Variants in TTLL1 observed in about 807,000 individuals in gnomAD.
The protein encoded by TTLL1 is TTL family tubulin polyglutamylase complex subunit L1.
A neutral mutation model predicts 47.8 loss-of-function variants in TTLL1; 33 were observed. The ratio of observed to expected loss-of-function variants is 0.69; its 90% CI spans 0.52 to 0.92. TTLL1 has a LOEUF of 0.92. Among genes scored for constraint, TTLL1 ranks in the 40% least tolerant of loss-of-function variants. The pLI is 0.00. For synonymous variants in TTLL1, 225 were observed against 214.1 expected (o/e 1.05, Z -0.45); for missense variants, 488 against 547.5 (o/e 0.89, Z 1.08).
chr22:43,081,408 C>G (rs1356475902), intron 1 of TTLL1, among the ~76,000 whole-genome samples: 1 of 152,102 alleles, frequency 6.6e-6, no homozygotes, highest in Non-Finnish European at 1.5e-5. Flanking sequence ...GACAGTCGCT[C>G]CCATAGAGAT....
chr22:43,070,278 CCT>C (rs1314439408), intron 3 of TTLL1: 2 of 1,125,128 alleles, frequency 1.8e-6, no homozygotes, highest in Admixed American at 4.7e-5. Flanking sequence ...ATTTAAGGGC[CCT>C]GAGTCAGTAT....
chr22:43,053,638 G>T (rs1219044461), intron 8 of TTLL1, among the ~76,000 whole-genome samples: 1 of 152,186 alleles, frequency 6.6e-6, no homozygotes, highest in Non-Finnish European at 1.5e-5. Flanking sequence ...CCTCCCATGT[G>T]CCTGTTTCCT....
At chr22:43,080,426 G>T (rs760771) in intron 1 of TTLL1, among the ~76,000 whole-genome samples, 136,494 of 152,124 alleles carry the variant, frequency 0.9, 61,408 homozygotes, top group East Asian at 1. Context: ...GCATCTTGTT[G>T]AACAAATGTA....
intron 1 of TTLL1, among the ~76,000 whole-genome samples, chr22:43,084,962 C>CTTTTTTTTTTTTTTT (rs148980685): frequency 8.9e-6 from 1 of 112,750 alleles, no homozygotes; most frequent in African/African-American, 3.7e-5. Flanking sequence ...AAGCTGCCAC[C>CTTTTTTTTTTTTTTT]TTTTTTTTTT....
chr22:43,041,189 T>C (rs927239259), intron 10 of TTLL1: 1 of 152,206 alleles, frequency 6.6e-6, no homozygotes, highest in Admixed American at 6.6e-5. Context: ...TGATTTCTAA[T>C]TCGGAGTTTT....
Position 43,084,236 on chromosome 22 carries a change from C to T in TTLL1, c.-89-4250G>A, listed in dbSNP as rs548797578. On this transcript the variant is annotated intron_variant, in intron 1 of 10. Transcript: ENST00000266254. ...TGCAATCTTGGCTCACTGCAACCTC[C>T]GCCTCTCAGGTTCAAGCGATTCTCC... Among the ~76,000 whole-genome samples, 555 of 147,942 alleles carry T rather than the reference C, an allele frequency of 3.8e-3. 7 individuals are homozygous for T. Among genetic ancestry groups the T allele is most frequent in the African/African-American group, 0.013 (520 of 39,870 alleles).
intron 5 of TTLL1, 71 bp downstream of exon 5, chr22:43,068,339 C>A (rs768498693): frequency 6.6e-5 from 87 of 1,323,502 alleles, no homozygotes; most frequent in Non-Finnish European, 8.4e-5. Flanking sequence ...CAAAAACCCA[C>A]AAAGACTGCG....
At chr22:43,065,648 T>C (rs1275275125) in intron 5 of TTLL1, among the ~76,000 whole-genome samples, 3 of 151,902 alleles carry the variant, frequency 2.0e-5, no homozygotes, top group Admixed American at 1.3e-4. Flanking sequence ...AGTGGTGCGA[T>C]CACAGCTCAC....
At chr22:43,081,183 T>A (rs1928862384) in intron 1 of TTLL1, among the ~76,000 whole-genome samples, 1 of 152,016 alleles carries the variant, frequency 6.6e-6, no homozygotes, top group South Asian at 2.1e-4. Context: ...CTCAAAGTGC[T>A]GGGATGACAA....
At chr22:43,063,635 T>C (rs77325620) in intron 7 of TTLL1, among the ~76,000 whole-genome samples, 178 bp downstream of exon 7, 1 of 144,298 alleles carries the variant, frequency 6.9e-6, no homozygotes, top group Non-Finnish European at 1.5e-5. Context: ...AATTTCCGTA[T>C]TTTTTTTTTT....
At chr22:43,081,981 G>A (rs998737203) in intron 1 of TTLL1, among the ~76,000 whole-genome samples, 29 of 150,518 alleles carry the variant, frequency 1.9e-4, no homozygotes, top group Non-Finnish European at 3.0e-5. Context: ...CCTCCCAAGT[G>A]GCTGGGATTA....
At chr22:43,049,055 G>C (rs1926384558) in intron 9 of TTLL1, among the ~76,000 whole-genome samples, 1 of 151,902 alleles carries the variant, frequency 6.6e-6, no homozygotes, top group Non-Finnish European at 1.5e-5. Flanking sequence ...TGGGTGACGG[G>C]CTCAAGAGAA....
At chr22:43,070,754 C>G (rs1004892852) in intron 3 of TTLL1, among the ~76,000 whole-genome samples, 5 of 152,188 alleles carry the variant, frequency 3.3e-5, no homozygotes, top group Non-Finnish European at 5.9e-5. Context: ...CCTCCACCCC[C>G]CTCAGCACTG....
chr22:43,077,350 C>T (rs956472754), intron 2 of TTLL1, among the ~76,000 whole-genome samples: 5 of 152,258 alleles, frequency 3.3e-5, no homozygotes, highest in Non-Finnish European at 7.4e-5. Context: ...CTGGCTAAGC[C>T]GCCTCCCACT....
chr22:43,080,324 G>A (rs1928794167), intron 1 of TTLL1, among the ~76,000 whole-genome samples: 1 of 152,032 alleles, frequency 6.6e-6, no homozygotes, highest in Admixed American at 6.6e-5. Flanking sequence ...CAAAGTGCTG[G>A]ATTTATAGGC....
chr22:43,058,934 C>T (rs1375770438), intron 8 of TTLL1, among the ~76,000 whole-genome samples: 1 of 152,170 alleles, frequency 6.6e-6, no homozygotes, highest in Non-Finnish European at 1.5e-5. Flanking sequence ...CTCAGGTGAT[C>T]CGCCTGCCTC....
intron 4 of TTLL1, among the ~76,000 whole-genome samples, chr22:43,069,220 C>CAAAAAAAA (rs66913313): frequency 1.7e-3 from 139 of 80,350 alleles, no homozygotes; most frequent in East Asian, 3.0e-3. Flanking sequence ...ACTAAAAATA[C>CAAAAAAAA]AAAAAAAAAA....
chr22:43,080,915 T>C (rs1425327316), intron 1 of TTLL1, among the ~76,000 whole-genome samples: 1 of 70,614 alleles, frequency 1.4e-5, no homozygotes, highest in South Asian at 4.6e-4. Context: ...TTTTTTTTTT[T>C]TTTTTTTTTT....
Position 43,082,110 on chromosome 22 carries a change from C to G in TTLL1, c.-89-2124G>C, listed in dbSNP as rs117847970. On this transcript the variant is annotated intron_variant, in intron 1 of 10. Transcript: ENST00000266254. ...CAAGTGATCCATCCCCTTCTGCCTC[C>G]CAAAGTGCTGGGATTACTGGTGTGA... 1.5e-4 allele frequency among the ~76,000 whole-genome samples: 23 copies of G among 152,058 alleles called. No individual in the cohort carries two copies. The East Asian group carries it at 4.3e-3, about 28-fold the overall frequency.
Sources: allele counts gnomAD v4.1 joint callset (sites outside exome capture counted in the v4.1 genomes callset), GRCh38; gene constraint gnomAD v4.1.1; transcripts MANE v1.5; gene names NCBI Gene and HGNC (gene_info 2026-07-23, HGNC 2026-07-21).